Variants in MAN1A1 observed in about 807,000 individuals in gnomAD.
The protein encoded by MAN1A1 is mannosidase alpha class 1A member 1.
In MAN1A1, 29 loss-of-function variants were observed where a neutral mutation model predicts 70.8. That is an observed-to-expected ratio of 0.41 (90% CI 0.31 to 0.56). MAN1A1 has a LOEUF of 0.56. Ranked by LOEUF, MAN1A1 falls within the 20% of genes least tolerant of loss-of-function variation. The probability of loss-of-function intolerance (pLI) is 0.29; values close to 1 mark genes in which losing one functional copy is unlikely to be tolerated. For missense variants in MAN1A1, 747 were observed against 841.3 expected (o/e 0.89, Z 1.39); for synonymous variants, 349 against 330.1 (o/e 1.06, Z -0.62).
chr6:119,231,283 TC>T (rs1562202528), intron 6 of MAN1A1, among the ~76,000 whole-genome samples: 3 of 152,014 alleles, frequency 2.0e-5, no homozygotes, highest in African/African-American at 7.2e-5. Context: ...TGGGGCAGTT[TC>T]CCCCATGCTG....
intron 6 of MAN1A1, among the ~76,000 whole-genome samples, chr6:119,209,997 TAA>T (rs3216462): frequency 0.32 from 48,176 of 152,036 alleles, 7,935 homozygotes; most frequent in East Asian, 0.56. Context: ...AAATAATGTT[TAA>T]AATTAGTCAT....
intron 2 of MAN1A1, chr6:119,331,913 G>C (rs762604506): frequency 1.5e-4 from 74 of 500,678 alleles, no homozygotes; most frequent in African/African-American, 5.8e-5. Flanking sequence ...CAAGAAGAGG[G>C]TGGGGGCAGG....
chr6:119,259,985 A>AT (rs903203641), intron 5 of MAN1A1, among the ~76,000 whole-genome samples: 6 of 152,106 alleles, frequency 3.9e-5, no homozygotes, highest in Non-Finnish European at 4.4e-5. Flanking sequence ...TATTGATTGC[A>AT]TTTTTTTAAA....
chr6:119,208,692 T>C (rs920165400), intron 6 of MAN1A1, among the ~76,000 whole-genome samples: 2 of 152,200 alleles, frequency 1.3e-5, no homozygotes, highest in African/African-American at 2.4e-5. Context: ...CTGAATCCTA[T>C]GGGAGAGATG....
chr6:119,295,524 CTTA>C (rs1772185019), intron 4 of MAN1A1, among the ~76,000 whole-genome samples: 1 of 151,970 alleles, frequency 6.6e-6, no homozygotes, highest in African/African-American at 2.4e-5. Context: ...TAGAATTCTC[CTTA>C]TTATCTTATG....
At chr6:119,180,270 C>G in intron 12 of MAN1A1, 42 bp downstream of exon 12, 3 of 1,346,218 alleles carry the variant, frequency 2.2e-6, no homozygotes, top group Non-Finnish European at 3.2e-6. Flanking sequence ...AAGATCTGTT[C>G]AGGTACCTTA....
intron 12 of MAN1A1, 79 bp downstream of exon 12, chr6:119,180,233 A>T: frequency 1.0e-6 from 1 of 961,602 alleles, no homozygotes; most frequent in Non-Finnish European, 1.6e-6. Context: ...ATATTACTTG[A>T]ATGTGTTCAT....
chr6:119,295,167 T>C (rs1156497359), intron 4 of MAN1A1, among the ~76,000 whole-genome samples: 2 of 152,156 alleles, frequency 1.3e-5, no homozygotes, highest in East Asian at 1.9e-4. Flanking sequence ...TAACCCCATC[T>C]AGGCAACAGA....
intron 6 of MAN1A1, among the ~76,000 whole-genome samples, chr6:119,237,114 A>T (rs1774866727): frequency 6.6e-6 from 1 of 152,216 alleles, no homozygotes; most frequent in South Asian, 2.1e-4. Context: ...GTTGCTTCTT[A>T]TGGAGGAGTA....
intron 2 of MAN1A1, among the ~76,000 whole-genome samples, chr6:119,312,669 A>G (rs1025023766): frequency 1.3e-5 from 2 of 152,198 alleles, no homozygotes; most frequent in African/African-American, 4.8e-5. Flanking sequence ...ATGGCAGAGC[A>G]GGTCACAGTG....
At chr6:119,223,260 T>C (rs1018253011) in intron 6 of MAN1A1, among the ~76,000 whole-genome samples, 145 of 152,258 alleles carry the variant, frequency 9.5e-4, no homozygotes, top group African/African-American at 3.4e-3. Flanking sequence ...TATAACCATA[T>C]TACAAGTGAT....
intron 2 of MAN1A1, among the ~76,000 whole-genome samples, chr6:119,316,550 AT>A (rs1275229044): frequency 1.3e-5 from 2 of 152,198 alleles, no homozygotes; most frequent in Admixed American, 1.3e-4. Context: ...TAGAAAACAA[AT>A]ACTATTTTCA....
chr6:119,270,739 T>C (rs534897345), intron 5 of MAN1A1, among the ~76,000 whole-genome samples: 7 of 152,352 alleles, frequency 4.6e-5, no homozygotes, highest in South Asian at 2.1e-4. Flanking sequence ...TTGCTGGGTA[T>C]AAAAATCTTT....
At chr6:119,216,041 G>A (rs1208441326) in intron 6 of MAN1A1, among the ~76,000 whole-genome samples, 1 of 152,184 alleles carries the variant, frequency 6.6e-6, no homozygotes, top group Admixed American at 6.5e-5. Context: ...TCTGCAAAGT[G>A]TGAAAACAGA....
At chr6:119,234,076 G>A (rs1401386837) in intron 6 of MAN1A1, among the ~76,000 whole-genome samples, 1 of 152,142 alleles carries the variant, frequency 6.6e-6, no homozygotes, top group African/African-American at 2.4e-5. Flanking sequence ...ACAAGTGGTT[G>A]TCAGCAAGTA....
In MAN1A1 at chr6:119,184,410, C is replaced by T. The variant is rs148163884; in HGVS notation, c.1720-3983G>A. Among the ~76,000 whole-genome samples, 630 of 152,192 alleles carry T rather than the reference C, an allele frequency of 4.1e-3. 4 individuals carry two copies. Among genetic ancestry groups the T allele is most frequent in the African/African-American group, 0.015 (608 of 41,494 alleles). On this transcript the variant is annotated intron_variant, in intron 11 of 12. Coordinates refer to ENST00000368468, the MANE Select transcript of MAN1A1 (RefSeq NM_005907.4). Reference sequence around the variant, plus strand: ...AATAGCAAGCATCATGAGTTAAATCCTAAGTCAGAGGACAGAAGAGTATTC... The same window carrying T: ...AATAGCAAGCATCATGAGTTAAATCTTAAGTCAGAGGACAGAAGAGTATTC...
intron 6 of MAN1A1, among the ~76,000 whole-genome samples, chr6:119,213,951 T>A (rs1399701569): frequency 6.6e-6 from 1 of 152,176 alleles, no homozygotes; most frequent in Non-Finnish European, 1.5e-5. Flanking sequence ...ATATTGCAAA[T>A]GTAATGAAAT....
chr6:119,210,535 T>C (rs1774019991), intron 6 of MAN1A1, among the ~76,000 whole-genome samples: 1 of 152,212 alleles, frequency 6.6e-6, no homozygotes. Flanking sequence ...GCATACTATC[T>C]GACTAAACAG....
At chr6:119,240,148 A>G (rs1261285124) in intron 6 of MAN1A1, among the ~76,000 whole-genome samples, 1 of 152,160 alleles carries the variant, frequency 6.6e-6, no homozygotes, top group Non-Finnish European at 1.5e-5. Flanking sequence ...TTTGCCCAAA[A>G]TTGAAGGGTG....
Sources: allele counts gnomAD v4.1 joint callset (sites outside exome capture counted in the v4.1 genomes callset), GRCh38; gene constraint gnomAD v4.1.1; transcripts MANE v1.5; gene names NCBI Gene and HGNC (gene_info 2026-07-23, HGNC 2026-07-21).